XPO6: variants seen among roughly 807,000 people sequenced by gnomAD.
The protein encoded by XPO6 is exportin 6.
A neutral mutation model predicts 130.0 loss-of-function variants in XPO6; 3 were observed. The observed-to-expected ratio is 0.02, with a 90% CI of 0.01 to 0.06. XPO6 has a LOEUF of 0.06. Ranked by LOEUF, XPO6 falls within the 10% of genes least tolerant of loss-of-function variation. XPO6 has a pLI of 1.00. For synonymous variants in XPO6, 524 were observed against 548.9 expected (o/e 0.95, Z 0.63); for missense variants, 970 against 1,393.0 (o/e 0.70, Z 4.83).
rs750200116 is a variant in XPO6 at position 28,106,154 on chromosome 16, C to T, written c.2673G>A (p.Lys891=). 2 of 1,614,196 alleles carry T rather than the reference C, an allele frequency of 1.2e-6. No individual in the cohort carries two copies. The change falls in exon 20 of 24, where the codon AAG becomes AAA. Residue 891 remains lysine (K), a synonymous_variant. Coordinates refer to ENST00000304658, the MANE Select transcript of XPO6 (RefSeq NM_015171.4). The surrounding 1 kb of genome is among the most constrained non-coding windows in gnomAD (Gnocchi z 4.2). ...CCACCACCTGCAGGATCTTCAGAAA[C>T]TTCTCCACCACCCGGCAGCCTGTGC... is the stretch of plus-strand genomic sequence containing the variant. ...EGSTGCRVVE[K]FLKILQVVVQ... is the part of the protein sequence containing the mutation.
intron 1 of XPO6, among the ~76,000 whole-genome samples, chr16:28,208,615 A>C (rs2044072700): frequency 6.6e-6 from 1 of 152,246 alleles, no homozygotes; most frequent in Non-Finnish European, 1.5e-5. Context: ...ACCTCAGAAA[A>C]AATGCACATG....
intron 5 of XPO6, 79 bp downstream of exon 5, chr16:28,169,671 A>G (rs2043418083): frequency 1.4e-5 from 21 of 1,552,728 alleles, no homozygotes; most frequent in Non-Finnish European, 1.7e-5. Flanking sequence ...ACAACTGCTC[A>G]AAGCTGCTGA....
rs573584732 is a variant in XPO6 at position 28,126,014 on chromosome 16, CCCGGTAT to C, written c.1607-173_1607-167del. ...CCCAGTACTGAGCAGGGAAACTGGG[CCCGGTAT>C]CCACCTAACACTACACGTTTGTGCT... On this transcript the variant is annotated intron_variant, in intron 12 of 23. Transcript: ENST00000304658. Among the ~76,000 whole-genome samples the C allele has an allele frequency of 1.3e-3, 202 of 152,278 alleles. 2 individuals are homozygous for C. The highest frequency in any genetic ancestry group is 1.6e-3 in the Non-Finnish European group (110 of 68,018).
chr16:28,167,490 C>T (rs1248563374), intron 5 of XPO6, among the ~76,000 whole-genome samples: 1 of 152,196 alleles, frequency 6.6e-6, no homozygotes, highest in African/African-American at 2.4e-5. Context: ...CTGCTCTCCT[C>T]CTCCCAATTT....
intron 1 of XPO6, among the ~76,000 whole-genome samples, chr16:28,186,878 A>C (rs913339483): frequency 7.2e-5 from 11 of 152,160 alleles, no homozygotes; most frequent in African/African-American, 2.7e-4. Context: ...GTGACTAAGC[A>C]ACTCAGCTAT....
chr16:28,113,787 T>TATA (rs58688384), intron 15 of XPO6, among the ~76,000 whole-genome samples: 151,660 of 152,256 alleles, frequency 1, 75,541 homozygotes, highest in Middle Eastern at 1. Flanking sequence ...CAGAATTCTT[T>TATA]ATAATTTTTT....
In XPO6 at chr16:28,204,891, A is replaced by G. The variant is rs568109371; in HGVS notation, c.3+6475T>C. On this transcript the variant is annotated intron_variant, in intron 1 of 23. Coordinates refer to ENST00000304658, the MANE Select transcript of XPO6 (RefSeq NM_015171.4). The stretch of plus-strand genomic sequence containing the variant: ...TGGATAAGCAACACTTATCACCTTG[A>G]TAAGTGAGATTAAGAGAGAATAATG... Among the ~76,000 whole-genome samples, 142 of 152,314 alleles carry G rather than the reference A, an allele frequency of 9.3e-4. 2 individuals carry two copies. Among genetic ancestry groups the G allele is most frequent in the Non-Finnish European group, 1.8e-3 (121 of 68,022 alleles).
intron 1 of XPO6, among the ~76,000 whole-genome samples, chr16:28,198,989 T>TA (rs2043911618): frequency 6.6e-6 from 1 of 151,846 alleles, no homozygotes; most frequent in Admixed American, 6.6e-5. Flanking sequence ...ATTAAAAATA[T>TA]AAAAATTAGC....
At chr16:28,151,744 A>G (rs2043095046) in intron 8 of XPO6, among the ~76,000 whole-genome samples, 2 of 152,200 alleles carry the variant, frequency 1.3e-5, no homozygotes, top group African/African-American at 4.8e-5. Flanking sequence ...TTAAAAACAC[A>G]CAGCTGGGCA....
intron 3 of XPO6, among the ~76,000 whole-genome samples, chr16:28,176,931 T>C (rs1162311447): frequency 2.6e-5 from 4 of 152,174 alleles, no homozygotes; most frequent in African/African-American, 9.7e-5. Flanking sequence ...AAAATGTTTT[T>C]ATTTAATTAT....
intron 1 of XPO6, among the ~76,000 whole-genome samples, chr16:28,194,543 A>AG (rs2043830349): frequency 1.3e-5 from 2 of 152,190 alleles, no homozygotes; most frequent in East Asian, 1.9e-4. Flanking sequence ...AGGGTAGAGG[A>AG]GGGGGTCTCA....
chr16:28,211,083 T>A (rs913107317), intron 1 of XPO6, among the ~76,000 whole-genome samples: 1 of 152,186 alleles, frequency 6.6e-6, no homozygotes, highest in African/African-American at 2.4e-5. Context: ...AAGCCCTCAA[T>A]AAACGATAGT....
intron 6 of XPO6, among the ~76,000 whole-genome samples, chr16:28,164,906 A>G (rs565919169): frequency 1.3e-5 from 2 of 152,320 alleles, no homozygotes; most frequent in South Asian, 4.1e-4. Context: ...AACTGTCTAA[A>G]ATAAATCTAA....
At chr16:28,147,565 T>C (rs1463259102) in intron 8 of XPO6, among the ~76,000 whole-genome samples, 7 of 152,192 alleles carry the variant, frequency 4.6e-5, no homozygotes, top group Admixed American at 3.3e-4. Flanking sequence ...GTCCTGTCTC[T>C]ACCTCATACT....
chr16:28,177,193 A>C, intron 3 of XPO6, 27 bp downstream of exon 3: 1 of 1,505,966 alleles, frequency 6.6e-7, no homozygotes, highest in Non-Finnish European at 9.1e-7. Flanking sequence ...TCCTTTTCAG[A>C]AGAGTATAAA....
At position 28,197,910 on chromosome 16, in the gene XPO6, C is replaced by G. The variant is rs1157143859; in HGVS notation, c.3+13456G>C. Among the ~76,000 whole-genome samples, 5 of 58,346 alleles carry G rather than the reference C, an allele frequency of 8.6e-5. No individual in the cohort carries two copies. In the East Asian group the frequency reaches 3.0e-3, roughly 35 times the overall value. 38.3% of individuals were successfully genotyped at this position (58,346 alleles called of 152,430 possible). ...CTCCAGCCTGAGCAACACAGAGAGA[C>G]TCTTAAAAAAAAAAAAAAAAAAAAA... On this transcript the variant is annotated intron_variant, in intron 1 of 23. Coordinates refer to ENST00000304658, the MANE Select transcript of XPO6 (RefSeq NM_015171.4).
intron 17 of XPO6, among the ~76,000 whole-genome samples, chr16:28,110,039 G>C (rs777489162): frequency 4.0e-5 from 6 of 150,748 alleles, no homozygotes; most frequent in Non-Finnish European, 8.8e-5. Flanking sequence ...TAGTCTGTAG[G>C]TTTGGAATTT....
rs1457982951 is a variant in XPO6, at chr16:28,211,769, G to T, written c.-401C>A. ...CCCCGGCCCCGAGGCTGAACGGGCG[G>T]AGGCTGACAGGCCTCGACCGCGCGG... On this transcript the variant is annotated 5_prime_UTR_variant, in exon 1 of 24. Transcript: ENST00000304658. The T allele has an allele frequency of 3.2e-6, 1 of 310,628 alleles. No homozygotes were observed. The highest frequency in any genetic ancestry group is 5.9e-6 in the Non-Finnish European group (1 of 170,454). 19.2% of individuals were successfully genotyped at this position (310,628 alleles called of 1,614,324 possible). A position where few individuals can be genotyped will look rare whatever the true frequency, so the allele number is the denominator to read the frequency against.
At chr16:28,138,757 C>T (rs2042828818) in intron 9 of XPO6, among the ~76,000 whole-genome samples, 2 of 152,188 alleles carry the variant, frequency 1.3e-5, no homozygotes, top group Admixed American at 1.3e-4. Flanking sequence ...TATCCCACTT[C>T]TCGTTCCTAC....
Sources: gnomAD v4.1 joint callset for allele counts (sites outside exome capture counted in the v4.1 genomes callset) on GRCh38, gnomAD v4.1.1 for gene constraint, Gnocchi (gnomAD v3.1) non-coding constraint, MANE v1.5 for transcripts, NCBI Gene and HGNC (gene_info 2026-07-23, HGNC 2026-07-21) for gene names.